Variants in TCF20 observed in about 807,000 individuals in gnomAD.
TCF20 encodes the protein SPRE-binding protein.
A neutral mutation model predicts 148.6 loss-of-function variants in TCF20; 3 were observed. The ratio of observed to expected loss-of-function variants is 0.02; its 90% confidence interval spans 0.01 to 0.05. The LOEUF (loss-of-function observed/expected upper bound fraction) is 0.05, where lower values mean the gene tolerates loss of function less well. Among genes scored for constraint, TCF20 ranks in the 10% least tolerant of loss-of-function variants. The pLI is 1.00. For missense variants in TCF20, 2,350 were observed against 2,429.3 expected, an observed-to-expected ratio of 0.97 and a Z score of 0.69; for synonymous variants, 1,049 against 909.5, an observed-to-expected ratio of 1.15 and a Z score of -2.76.
chr22:42,213,358 C>T lies in TCF20; in HGVS notation c.1948G>A (p.Ala650Thr), dbSNP rs1240241235. ...SNGGAKETSH[A>T]SLPQPEPPGG... ...GGAGGCTCTGGCTGGGGAAGTGATG[C>T]ATGACTGGTTTCCTTTGCCCCACCA... Residue 650 changes from alanine (A) to threonine (T), a missense_variant, in exon 2 of 6, where the codon GCA (alanine) becomes ACA (threonine). By Grantham distance (58) the Ala-to-Thr change is moderately conservative. Transcript: ENST00000677622. The T allele has an allele frequency of 2.5e-6, 4 of 1,614,080 alleles. No homozygotes were observed. In the African/African-American group the frequency reaches 5.3e-5, roughly 22 times the overall value.
intron 5 of TCF20, among the ~76,000 whole-genome samples, chr22:42,164,464 C>T (rs984839385): frequency 2.6e-5 from 4 of 152,068 alleles, no homozygotes; most frequent in Non-Finnish European, 4.4e-5. Flanking sequence ...CTCCTGACCT[C>T]GTGATCTGCC....
chr22:42,201,493 C>T (rs1045634553), intron 2 of TCF20, among the ~76,000 whole-genome samples: 1 of 152,092 alleles, frequency 6.6e-6, no homozygotes, highest in Non-Finnish European at 1.5e-5. Flanking sequence ...TTAGACCAGG[C>T]GCGGTGGCTC....
intron 1 of TCF20, among the ~76,000 whole-genome samples, chr22:42,245,466 C>T (rs778356131): frequency 1.3e-5 from 2 of 152,184 alleles, no homozygotes; most frequent in Non-Finnish European, 2.9e-5. Flanking sequence ...AGGTTTCTAA[C>T]ACTAAATTAA....
rs1327333688 is a variant in TCF20, at chr22:42,338,747, A to G, written c.-37+4732T>C. 6.6e-6 allele frequency among the ~76,000 whole-genome samples: 1 copy of G among 152,220 alleles called. No individual in the cohort carries two copies. Among genetic ancestry groups the G allele is most frequent in the Non-Finnish European group, 1.5e-5 (1 of 68,032 alleles). ...GCACCTCTTCATCATCTGCCTCTCAACACGTGACTTTCAAAGGGCAATCTT... is the reference window on the plus strand; with the variant it reads ...GCACCTCTTCATCATCTGCCTCTCAGCACGTGACTTTCAAAGGGCAATCTT... On this transcript the variant is annotated intron_variant, in intron 1 of 1. Transcript: ENST00000515426. The surrounding 1 kb of genome is among the most constrained non-coding windows in gnomAD (Gnocchi z 4.0).
chr22:42,162,631 C>T (rs796877775), intron 5 of TCF20, among the ~76,000 whole-genome samples: 5 of 152,328 alleles, frequency 3.3e-5, no homozygotes, highest in African/African-American at 1.2e-4. Context: ...CTTGCCCCTC[C>T]TTCACTTGCT....
chr22:42,300,399 A>AG (rs1178794908), intron 1 of TCF20, among the ~76,000 whole-genome samples: 4 of 152,104 alleles, frequency 2.6e-5, no homozygotes, highest in African/African-American at 9.7e-5. Flanking sequence ...TAAAAAAAAA[A>AG]AGAAAAAAAG....
chr22:42,263,867 T>C (rs1000385887), intron 1 of TCF20, among the ~76,000 whole-genome samples: 18 of 152,102 alleles, frequency 1.2e-4, no homozygotes, highest in African/African-American at 3.4e-4. Context: ...GCGTGGGGCA[T>C]AGATGGCAAA....
intron 1 of TCF20, among the ~76,000 whole-genome samples, chr22:42,243,243 C>T (rs960142621): frequency 1.5e-5 from 2 of 130,268 alleles, no homozygotes; most frequent in Admixed American, 9.7e-5. Flanking sequence ...AAGGTTACTG[C>T]GAGCTATGAT....
intron 2 of TCF20, among the ~76,000 whole-genome samples, chr22:42,204,919 T>A (rs1938286632): frequency 1.3e-5 from 2 of 151,940 alleles, no homozygotes; most frequent in Admixed American, 6.6e-5. Context: ...AAAAAAAGAT[T>A]AAAAGTTTCC....
At chr22:42,335,867 C>G (rs1010381776) in intron 1 of TCF20, among the ~76,000 whole-genome samples, 1 of 152,194 alleles carries the variant, frequency 6.6e-6, no homozygotes, top group African/African-American at 2.4e-5. Flanking sequence ...CCCAAACCAG[C>G]AACGAGCCTG....
At chr22:42,199,364 TAG>T (rs1937824104) in intron 2 of TCF20, among the ~76,000 whole-genome samples, 1 of 152,054 alleles carries the variant, frequency 6.6e-6, no homozygotes, top group African/African-American at 2.4e-5. Context: ...CATTTCACCA[TAG>T]AGTCATGTGG....
At chr22:42,217,357 T>C (rs1159627203) in intron 1 of TCF20, among the ~76,000 whole-genome samples, 2 of 152,226 alleles carry the variant, frequency 1.3e-5, no homozygotes, top group Admixed American at 1.3e-4. Context: ...GTGTCACTCA[T>C]TCCCTGGTCA....
At chr22:42,267,728 G>A (rs1043731893) in intron 1 of TCF20, among the ~76,000 whole-genome samples, 1 of 151,774 alleles carries the variant, frequency 6.6e-6, no homozygotes, top group African/African-American at 2.4e-5. Context: ...GTGTTTACTT[G>A]TGTGATAGGC....
intron 1 of TCF20, among the ~76,000 whole-genome samples, chr22:42,238,363 G>C (rs530023369): frequency 6.6e-6 from 1 of 152,216 alleles, no homozygotes; most frequent in Non-Finnish European, 1.5e-5. Context: ...TGTTGCGGCT[G>C]GTTGATTTTC....
chr22:42,179,729 G>A, intron 2 of TCF20, 27 bp from the exon 3 acceptor site: 2 of 1,540,570 alleles, frequency 1.3e-6, no homozygotes, highest in Non-Finnish European at 1.8e-6. Context: ...AGTCAGGCAT[G>A]TCAGTATCCC....
chr22:42,269,582 C>T (rs2076859871), intron 1 of TCF20, among the ~76,000 whole-genome samples: 1 of 152,232 alleles, frequency 6.6e-6, no homozygotes, highest in African/African-American at 2.4e-5. Flanking sequence ...ACCACTTTCC[C>T]CCGAAAAAGG....
intron 1 of TCF20, among the ~76,000 whole-genome samples, chr22:42,235,123 C>G (rs1923764389): frequency 2.3e-5 from 3 of 132,680 alleles, no homozygotes; most frequent in African/African-American, 8.5e-5. Flanking sequence ...GTCTGGCCAA[C>G]AGAATGAGAC....
At position 42,301,302 on chromosome 22, in the gene TCF20, A is replaced by G. The variant is rs116990230; in HGVS notation, c.-37+42177T>C. Among the ~76,000 whole-genome samples the G allele has an allele frequency of 7.5e-4, 114 of 152,284 alleles. 1 individual carries two copies. The highest frequency in any genetic ancestry group is 1.3e-3 in the Non-Finnish European group (89 of 68,010). On this transcript the variant is annotated intron_variant, in intron 1 of 1. Coordinates refer to the TCF20 transcript ENST00000515426. Reference sequence around the variant, plus strand: ...TCATAGGTTCAACAAGTGTTTGCTGAGCACTTACTCTGTGCCACGCCCCAG... The same window carrying G: ...TCATAGGTTCAACAAGTGTTTGCTGGGCACTTACTCTGTGCCACGCCCCAG...
At chr22:42,320,694 T>G (rs1927716702) in intron 1 of TCF20, among the ~76,000 whole-genome samples, 4 of 152,144 alleles carry the variant, frequency 2.6e-5, no homozygotes, top group Admixed American at 2.0e-4. Context: ...CACCTGGCAG[T>G]GCATAAATGA....
Sources: allele counts gnomAD v4.1 joint callset (sites outside exome capture counted in the v4.1 genomes callset), GRCh38; gene constraint gnomAD v4.1.1; non-coding constraint Gnocchi (gnomAD v3.1); transcripts MANE v1.5; gene names NCBI Gene and HGNC (gene_info 2026-07-23, HGNC 2026-07-21).